KCNQ2: variants seen among roughly 807,000 people sequenced by gnomAD.
KCNQ2 encodes potassium voltage-gated channel subfamily Q member 2.
Under a neutral mutation model 84.8 loss-of-function variants are expected in KCNQ2, and 14 were observed. The observed-to-expected ratio is 0.17, with a 90% CI of 0.11 to 0.26. The LOEUF (loss-of-function observed/expected upper bound fraction) is 0.26, where lower values mean the gene tolerates loss of function less well. KCNQ2 is among the 10% of genes least tolerant of loss of function. The pLI, the probability that KCNQ2 is intolerant of heterozygous loss-of-function variation, is 1.00. For synonymous variants in KCNQ2, 599 were observed against 554.1 expected (o/e 1.08, Z -1.14); for missense variants, 788 against 1,254.0 (o/e 0.63, Z 5.61).
chr20:63,470,260 C>T (rs4809569), intron 1 of KCNQ2, among the ~76,000 whole-genome samples: 13,813 of 148,004 alleles, frequency 0.093, 1,056 homozygotes, highest in East Asian at 0.45. Context: ...CAGGGAGCTC[C>T]GTGCCCACAG....
intron 2 of KCNQ2, 172 bp from the exon 3 acceptor site, chr20:63,445,536 G>A: frequency 4.5e-6 from 3 of 659,882 alleles, no homozygotes; most frequent in East Asian, 2.7e-5. Flanking sequence ...GGGCAGGAAG[G>A]GTTGGGCCCT....
intron 7 of KCNQ2, among the ~76,000 whole-genome samples, chr20:63,435,577 A>G (rs2080969628): frequency 6.6e-6 from 1 of 152,210 alleles, no homozygotes; most frequent in Non-Finnish European, 1.5e-5. Context: ...TCAGGTCCAA[A>G]CCAACCGAGG....
intron 11 of KCNQ2, among the ~76,000 whole-genome samples, chr20:63,421,889 C>T (rs923635876): frequency 6.6e-6 from 1 of 152,110 alleles, no homozygotes; most frequent in Non-Finnish European, 1.5e-5. Flanking sequence ...CCGACCCCAA[C>T]GTAGACGCTT....
chr20:63,446,257 T>A lies in KCNQ2; in HGVS notation c.387+490A>T. 4.0e-6 allele frequency: 1 copy of A among 249,596 alleles called. No individual in the cohort carries two copies. The highest frequency in any genetic ancestry group is 4.7e-5 in the South Asian group (1 of 21,406). 15.5% of individuals were successfully genotyped at this position (249,596 alleles called of 1,614,324 possible). On this transcript the variant is annotated intron_variant, in intron 2 of 16. Coordinates refer to ENST00000359125, the MANE Select transcript of KCNQ2 (RefSeq NM_172107.4). The surrounding 1 kb of genome is among the most constrained non-coding windows in gnomAD (Gnocchi z 5.5). ...GGGCGGGCAGTAGAGGGAGGTGCAT[T>A]TGGATGGGGACCAGTCTCCTTGAGG...
rs1031093801 is a variant in KCNQ2 at position 63,406,295 on chromosome 20, C to G, written c.*349G>C. Reference sequence around the variant, plus strand: ...CCTGGGCTCGGCTGAGACAACCCCCCGCCTGTTGCCACGCTGGCAACACCC... The same window carrying G: ...CCTGGGCTCGGCTGAGACAACCCCCGGCCTGTTGCCACGCTGGCAACACCC... On this transcript the variant is annotated 3_prime_UTR_variant, in exon 17 of 17. Coordinates refer to ENST00000359125, the MANE Select transcript of KCNQ2 (RefSeq NM_172107.4). 3 of 286,294 alleles carry G rather than the reference C, an allele frequency of 1.0e-5. No homozygotes were observed. The highest frequency in any genetic ancestry group is 1.6e-4 in the East Asian group (2 of 12,888). The allele number at this position is 286,294 out of a possible 1,614,324, so 17.7% of individuals were successfully genotyped here.
intron 15 of KCNQ2, chr20:63,413,197 A>T (rs1400295941): frequency 1.8e-6 from 1 of 541,774 alleles, no homozygotes; most frequent in Non-Finnish European, 3.5e-6. Context: ...GCACACACAC[A>T]TTTTCAGGGA....
chr20:63,455,112 ACGG>A (rs2081741311), intron 1 of KCNQ2, among the ~76,000 whole-genome samples: 1 of 152,122 alleles, frequency 6.6e-6, no homozygotes, highest in South Asian at 2.1e-4. Context: ...TGAGGGGAGG[ACGG>A]CGGGAAGACG....
intron 14 of KCNQ2, 62 bp from the exon 15 acceptor site, chr20:63,413,643 GACCTTCCTAGC>G: frequency 6.2e-7 from 1 of 1,600,728 alleles, no homozygotes; most frequent in Non-Finnish European, 8.5e-7. Flanking sequence ...CAGGCACCAG[GACCTTCCTAGC>G]ACCTCTGAGA....
chr20:63,420,793 C>T lies in KCNQ2; in HGVS notation c.1248-1121G>A, dbSNP rs890813093. On this transcript the variant is annotated intron_variant, in intron 11 of 16. Coordinates refer to ENST00000359125, the MANE Select transcript of KCNQ2 (RefSeq NM_172107.4). ...GGTGGCCGGCTTCCACCCCAGCCCC[C>T]GTGCCGGTCCGGCTTTTTAGTACAC... is the stretch of plus-strand genomic sequence containing the variant. 5.9e-5 allele frequency among the ~76,000 whole-genome samples: 9 copies of T among 152,016 alleles called. No homozygotes were observed. In the South Asian group the frequency reaches 6.2e-4, roughly 11 times the overall value.
chr20:63,455,813 G>A (rs1235061023), intron 1 of KCNQ2, among the ~76,000 whole-genome samples: 4 of 136,242 alleles, frequency 2.9e-5, no homozygotes, highest in South Asian at 2.5e-4. Flanking sequence ...CCCCACCTCC[G>A]GGAGGCCCCT....
At chr20:63,450,406 G>C (rs2081575419) in intron 1 of KCNQ2, among the ~76,000 whole-genome samples, 1 of 147,144 alleles carries the variant, frequency 6.8e-6, no homozygotes, top group Non-Finnish European at 1.5e-5. Flanking sequence ...GCCTGCCCCC[G>C]CTCCCAGGGC....
At chr20:63,453,169 C>T (rs2145826150) in intron 1 of KCNQ2, among the ~76,000 whole-genome samples, 1 of 152,306 alleles carries the variant, frequency 6.6e-6, no homozygotes, top group South Asian at 2.1e-4. Flanking sequence ...TGTCGGGCAC[C>T]CCAGGAGACA....
intron 1 of KCNQ2, among the ~76,000 whole-genome samples, chr20:63,471,544 C>A (rs1475646521): frequency 6.6e-6 from 1 of 152,088 alleles, no homozygotes; most frequent in African/African-American, 2.4e-5. Context: ...TGGGACAGCG[C>A]AGGAGCTGAG....
intron 1 of KCNQ2, among the ~76,000 whole-genome samples, chr20:63,462,166 T>C (rs1340091397): frequency 8.2e-6 from 1 of 122,668 alleles, no homozygotes; most frequent in African/African-American, 3.3e-5. Flanking sequence ...AGGCTGCACC[T>C]ACCCCAGGGA....
chr20:63,443,099 TCACCATCACCAC>T (rs1193614451), intron 4 of KCNQ2, among the ~76,000 whole-genome samples: 1 of 59,234 alleles, frequency 1.7e-5, no homozygotes, highest in Non-Finnish European at 3.1e-5. Context: ...ATCACCACCA[TCACCATCACCAC>T]CACCACTATC....
chr20:63,442,388 A>G lies in KCNQ2; in HGVS notation c.816+18T>C. The G allele has an allele frequency of 1.2e-6, 2 of 1,613,766 alleles. No homozygotes were observed. Among genetic ancestry groups the G allele is most frequent in the Non-Finnish European group, 1.7e-6 (2 of 1,179,942 alleles). On this transcript the variant is annotated intron_variant, in intron 5 of 16. Coordinates refer to ENST00000359125, the MANE Select transcript of KCNQ2 (RefSeq NM_172107.4). Reference sequence around the variant, plus strand: ...TGTATCAGCAGGGAAAGGGAAAACCACAATGACCACAACTCACCAGGCCCC... The same window carrying G: ...TGTATCAGCAGGGAAAGGGAAAACCGCAATGACCACAACTCACCAGGCCCC...
chr20:63,430,148 C>T (rs2080749878), intron 9 of KCNQ2, among the ~76,000 whole-genome samples: 1 of 152,234 alleles, frequency 6.6e-6, no homozygotes, highest in Non-Finnish European at 1.5e-5. Context: ...GCCTCGAACA[C>T]ACAGAGCAGC....
chr20:63,467,786 C>G (rs1260733362), intron 1 of KCNQ2, among the ~76,000 whole-genome samples: 1 of 152,252 alleles, frequency 6.6e-6, no homozygotes, highest in Non-Finnish European at 1.5e-5. Context: ...ATTTTCAAAA[C>G]TGGAGACAGG....
At chr20:63,470,662 C>T (rs1427087390) in intron 1 of KCNQ2, among the ~76,000 whole-genome samples, 2 of 152,170 alleles carry the variant, frequency 1.3e-5, no homozygotes, top group Non-Finnish European at 2.9e-5. Flanking sequence ...GCTGTCAGGG[C>T]AGGAGGGTTG....
Sources: allele counts gnomAD v4.1 joint callset (sites outside exome capture counted in the v4.1 genomes callset), GRCh38; gene constraint gnomAD v4.1.1; non-coding constraint Gnocchi (gnomAD v3.1); transcripts MANE v1.5; gene names NCBI Gene and HGNC (gene_info 2026-07-23, HGNC 2026-07-21).